Variants in MSI2 observed in about 807,000 individuals in gnomAD.
MSI2 encodes the protein musashi RNA binding protein 2, also known as RNA-binding protein Musashi homolog 2.
Under a neutral mutation model 45.6 loss-of-function variants are expected in MSI2, and 17 were observed. The observed-to-expected ratio is 0.37, with a 90% confidence interval of 0.26 to 0.56. The LOEUF (loss-of-function observed/expected upper bound fraction) is 0.56, where lower values mean the gene tolerates loss of function less well. Among genes scored for constraint, MSI2 ranks in the 20% least tolerant of loss-of-function variants. The probability of loss-of-function intolerance (pLI) is 0.77; values close to 1 mark genes in which losing one functional copy is unlikely to be tolerated. For missense variants in MSI2, 293 were observed against 444.2 expected, an observed-to-expected ratio of 0.66 and a Z score of 3.06; for synonymous variants, 156 against 158.2, an observed-to-expected ratio of 0.99 and a Z score of 0.11.
chr17:57,374,288 C>T (rs958765493), intron 5 of MSI2, among the ~76,000 whole-genome samples: 8 of 152,212 alleles, frequency 5.3e-5, no homozygotes, highest in Non-Finnish European at 1.0e-4. Flanking sequence ...GTAGTTTATA[C>T]TTAATGTGAC....
At chr17:57,573,345 T>G (rs1270267471) in intron 7 of MSI2, among the ~76,000 whole-genome samples, 1 of 152,192 alleles carries the variant, frequency 6.6e-6, no homozygotes, top group African/African-American at 2.4e-5. Context: ...CCAAGTGCCC[T>G]CCTACATTAT....
intron 5 of MSI2, among the ~76,000 whole-genome samples, chr17:57,317,930 C>T (rs932869267): frequency 2.0e-5 from 3 of 152,248 alleles, no homozygotes; most frequent in Admixed American, 6.5e-5. Context: ...GGGAGGATCA[C>T]TTGAGGCCAG....
At chr17:57,307,185 C>T (rs1389687314) in intron 5 of MSI2, among the ~76,000 whole-genome samples, 1 of 152,172 alleles carries the variant, frequency 6.6e-6, no homozygotes, top group Non-Finnish European at 1.5e-5. Flanking sequence ...GCCTATGGTG[C>T]CCAATTGTTT....
intron 5 of MSI2, among the ~76,000 whole-genome samples, chr17:57,356,361 T>G (rs1916417721): frequency 6.6e-6 from 1 of 152,196 alleles, no homozygotes; most frequent in Non-Finnish European, 1.5e-5. Flanking sequence ...CAGATTATCC[T>G]TGGGTGGGGA....
At chr17:57,623,348 A>C (rs894479338) in intron 9 of MSI2, among the ~76,000 whole-genome samples, 1 of 152,118 alleles carries the variant, frequency 6.6e-6, no homozygotes, top group Non-Finnish European at 1.5e-5. Flanking sequence ...TGAGTAGCTG[A>C]GTAACAGAGC....
intron 5 of MSI2, among the ~76,000 whole-genome samples, chr17:57,282,753 T>C (rs1435921014): frequency 6.7e-6 from 1 of 149,810 alleles, no homozygotes; most frequent in African/African-American, 2.5e-5. Context: ...ATTGAGTCTT[T>C]TACCTCCGTG....
At chr17:57,669,449 G>C (rs961446417) in intron 11 of MSI2, among the ~76,000 whole-genome samples, 2 of 152,194 alleles carry the variant, frequency 1.3e-5, no homozygotes, top group Admixed American at 6.5e-5. Flanking sequence ...AGTTCCCTGA[G>C]AGCCCTGAGA....
At chr17:57,691,200 C>CT in the MSI2 span, among the ~76,000 whole-genome samples, 180 of 140,302 alleles carry the variant, frequency 1.3e-3, no homozygotes, top group African/African-American at 4.0e-3. Flanking sequence ...CTCTCTCTCT[C>CT]ATCTATCTAT....
At chr17:57,358,708 G>A (rs1916617157) in intron 5 of MSI2, among the ~76,000 whole-genome samples, 1 of 152,148 alleles carries the variant, frequency 6.6e-6, no homozygotes, top group African/African-American at 2.4e-5. Flanking sequence ...CAAGGTTTGA[G>A]GAAAATAATT....
chr17:57,257,614 G>A (rs1906917258), intron 3 of MSI2, 67 bp downstream of exon 3: 1 of 1,181,036 alleles, frequency 8.5e-7, no homozygotes, highest in Non-Finnish European at 1.3e-6. Context: ...TTTTGGAGGT[G>A]TCTTCGGAAG....
At chr17:57,696,916 A>G in the MSI2 span, among the ~76,000 whole-genome samples, 1,480 of 152,168 alleles carry the variant, frequency 9.7e-3, 16 homozygotes, top group African/African-American at 0.032. Flanking sequence ...TTTACATTGC[A>G]TACCTTCTCT....
intron 5 of MSI2, among the ~76,000 whole-genome samples, chr17:57,276,126 T>C (rs1392732313): frequency 1.3e-5 from 2 of 152,228 alleles, no homozygotes; most frequent in African/African-American, 4.8e-5. Flanking sequence ...GGGGTTTTTA[T>C]GTTTTCTAAG....
chr17:57,505,400 C>T (rs573731162), intron 6 of MSI2, among the ~76,000 whole-genome samples: 3 of 152,172 alleles, frequency 2.0e-5, no homozygotes, highest in South Asian at 4.2e-4. Context: ...GCCTAGAAAA[C>T]CCCAGAGAAA....
chr17:57,324,215 G>A (rs150977222), intron 5 of MSI2, among the ~76,000 whole-genome samples: 4 of 152,308 alleles, frequency 2.6e-5, no homozygotes, highest in African/African-American at 7.2e-5. Context: ...GGGTGGCCGG[G>A]AGAGTCTCTG....
chr17:57,530,969 CA>C (rs1036675866), intron 7 of MSI2, among the ~76,000 whole-genome samples: 2 of 133,110 alleles, frequency 1.5e-5, no homozygotes, highest in Admixed American at 8.1e-5. Flanking sequence ...GAAGAGATGG[CA>C]GGGGGTGGAG....
chr17:57,491,785 G>T (rs766831031), intron 6 of MSI2, among the ~76,000 whole-genome samples: 2 of 152,150 alleles, frequency 1.3e-5, no homozygotes, highest in Non-Finnish European at 2.9e-5. Flanking sequence ...CTAATGATAG[G>T]CATATGAAGC....
intron 6 of MSI2, among the ~76,000 whole-genome samples, chr17:57,493,704 C>A (rs1285953182): frequency 6.6e-6 from 1 of 151,046 alleles, no homozygotes; most frequent in African/African-American, 2.4e-5. Context: ...ATTGGAGATC[C>A]CATCATCTCA....
At chr17:57,555,761 A>T (rs915472878) in intron 7 of MSI2, among the ~76,000 whole-genome samples, 1 of 152,212 alleles carries the variant, frequency 6.6e-6, no homozygotes, top group Non-Finnish European at 1.5e-5. Flanking sequence ...CAGAAGAGTG[A>T]TGGTGTTTAT....
intron 6 of MSI2, among the ~76,000 whole-genome samples, chr17:57,494,074 C>T (rs192553993): frequency 2.0e-5 from 3 of 152,230 alleles, no homozygotes; most frequent in Admixed American, 2.0e-4. Flanking sequence ...CTTTTGTATT[C>T]ACAACTACCG....
Sources: gnomAD v4.1 joint callset for allele counts (sites outside exome capture counted in the v4.1 genomes callset) on GRCh38, gnomAD v4.1.1 for gene constraint, MANE v1.5 for transcripts, NCBI Gene and HGNC (gene_info 2026-07-23, HGNC 2026-07-21) for gene names.